The following POLN variants were observed in gnomAD, a reference collection of about 807,000 sequenced individuals.
POLN encodes DNA polymerase N.
In POLN, 108 loss-of-function variants were observed where a neutral mutation model predicts 113.5. That is an observed-to-expected ratio of 0.95 (90% confidence interval 0.81 to 1.12). The LOEUF is 1.12. POLN is among the 50% of genes most tolerant of loss of function. The pLI, the probability that POLN is intolerant of heterozygous loss-of-function variation, is 0.00. For synonymous variants in POLN, 386 were observed against 391.5 expected (o/e 0.99, Z 0.17); for missense variants, 1,097 against 1,077.1 (o/e 1.02, Z -0.26).
chr4:2,226,456 C>G (rs6829788), intron 3 of POLN, among the ~76,000 whole-genome samples: 42,897 of 152,140 alleles, frequency 0.28, 10,394 homozygotes, highest in African/African-American at 0.65. Flanking sequence ...GGTTACATTT[C>G]AGCAGGGAGA....
At chr4:2,195,159 A>T (rs925333354) in intron 6 of POLN, among the ~76,000 whole-genome samples, 50 of 152,282 alleles carry the variant, frequency 3.3e-4, no homozygotes, top group African/African-American at 1.2e-3. Context: ...ATTTAAATTT[A>T]TTTTGAATCT....
At chr4:2,207,583 G>C (rs1274527443) in intron 5 of POLN, among the ~76,000 whole-genome samples, 1 of 151,930 alleles carries the variant, frequency 6.6e-6, no homozygotes, top group Admixed American at 6.6e-5. Context: ...AATTTGAACA[G>C]ACATTTCATC....
Position 2,078,203 on chromosome 4 carries a change from C to T in POLN, c.2388-2684G>A, listed in dbSNP as rs528074354. On this transcript the variant is annotated intron_variant, in intron 23 of 25. Coordinates refer to ENST00000511885, the MANE Select transcript of POLN (RefSeq NM_181808.4). The stretch of plus-strand genomic sequence containing the variant: ...GGGAGGGACCGTCACAGCACTGACA[C>T]GTTCTGAAACCCAGGAAGGCCTTTT... Among the ~76,000 whole-genome samples, 152 of 152,334 alleles carry T rather than the reference C, an allele frequency of 1.0e-3. 2 individuals carry two copies. The highest frequency in any genetic ancestry group is 3.4e-3 in the Middle Eastern group (1 of 294).
intron 4 of POLN, among the ~76,000 whole-genome samples, chr4:2,209,458 G>A (rs1336520621): frequency 1.4e-5 from 2 of 140,792 alleles, no homozygotes; most frequent in South Asian, 2.2e-4. Context: ...CAGCTTGGGC[G>A]ACAGAGCAAG....
At chr4:2,223,569 G>A (rs917991860) in intron 3 of POLN, among the ~76,000 whole-genome samples, 1 of 152,182 alleles carries the variant, frequency 6.6e-6, no homozygotes, top group African/African-American at 2.4e-5. Flanking sequence ...CCAAAAGGTT[G>A]GGGACTGCTG....
At chr4:2,079,536 GGAAT>G in intron 23 of POLN, 1 of 985,684 alleles carries the variant, frequency 1.0e-6, no homozygotes, top group South Asian at 4.7e-5. Flanking sequence ...GTGTGTGTTG[GGAAT>G]GAATGCAGAT....
chr4:2,162,086 C>T (rs906724200), intron 13 of POLN, among the ~76,000 whole-genome samples: 10 of 152,260 alleles, frequency 6.6e-5, no homozygotes, highest in African/African-American at 2.4e-4. Context: ...AAGCAGGCTG[C>T]CCGAGCCAGC....
intron 23 of POLN, chr4:2,078,865 A>G: frequency 1.0e-6 from 1 of 985,474 alleles, no homozygotes; most frequent in Non-Finnish European, 1.2e-6. Context: ...AGTCAGCAAC[A>G]GAGAGAGACC....
At chr4:2,092,059 C>T (rs956121700) in intron 20 of POLN, among the ~76,000 whole-genome samples, 14 of 152,204 alleles carry the variant, frequency 9.2e-5, no homozygotes, top group Non-Finnish European at 1.9e-4. Flanking sequence ...CCTGGACTCT[C>T]CCAACTCTCC....
chr4:2,154,739 T>C (rs984593485), intron 16 of POLN, among the ~76,000 whole-genome samples: 2 of 152,212 alleles, frequency 1.3e-5, no homozygotes, highest in African/African-American at 2.4e-5. Context: ...ATTGCTATGA[T>C]AAAGTACAGG....
At chr4:2,135,716 A>G (rs1731839042) in intron 16 of POLN, among the ~76,000 whole-genome samples, 1 of 152,234 alleles carries the variant, frequency 6.6e-6, no homozygotes, top group African/African-American at 2.4e-5. Context: ...ATGTGGGAGA[A>G]GCCTGTGGGG....
chr4:2,241,988 G>A (rs1051277341), intron 1 of POLN, 63 bp downstream of exon 1: 39 of 985,438 alleles, frequency 4.0e-5, no homozygotes, highest in East Asian at 1.1e-4. Context: ...GTGCAGACGG[G>A]GATCGCGGCC....
intron 19 of POLN, among the ~76,000 whole-genome samples, chr4:2,115,883 T>C (rs1193149354): frequency 1.3e-5 from 2 of 152,202 alleles, no homozygotes. Context: ...GTCTAAGAAC[T>C]GCACAATTTC....
intron 23 of POLN, chr4:2,080,356 G>A (rs1472656582): frequency 4.3e-6 from 4 of 935,896 alleles, no homozygotes; most frequent in East Asian, 1.4e-4. Flanking sequence ...CTGGGGGGCA[G>A]CCAGGGCGGA....
chr4:2,134,533 T>C (rs747488377), intron 16 of POLN, among the ~76,000 whole-genome samples: 23 of 152,338 alleles, frequency 1.5e-4, no homozygotes, highest in Non-Finnish European at 2.8e-4. Flanking sequence ...GTTTGTTTGT[T>C]TGTTTTGCTT....
intron 20 of POLN, among the ~76,000 whole-genome samples, chr4:2,094,220 G>T (rs1458439022): frequency 1.3e-5 from 2 of 151,968 alleles, no homozygotes; most frequent in Admixed American, 1.3e-4. Context: ...GGTGGCAGGT[G>T]CCTGTCACCC....
chr4:2,139,712 C>T (rs1219151879), intron 16 of POLN: 1 of 152,136 alleles, frequency 6.6e-6, no homozygotes, highest in African/African-American at 2.4e-5. Flanking sequence ...GAACACCTTG[C>T]TAATAAATCT....
chr4:2,240,266 A>C (rs761124197), intron 2 of POLN: 23 of 1,613,700 alleles, frequency 1.4e-5, no homozygotes, highest in Non-Finnish European at 1.9e-5. Context: ...CAACTACTTC[A>C]TGTATACCCT....
At chr4:2,170,644 T>C (rs771786700) in intron 13 of POLN, 35 bp downstream of exon 13, 2 of 1,567,468 alleles carry the variant, frequency 1.3e-6, no homozygotes, top group Non-Finnish European at 1.8e-6. Context: ...CATGCTGTCA[T>C]TCTAAAAAGA....
Sources: gnomAD v4.1 joint callset for allele counts (sites outside exome capture counted in the v4.1 genomes callset) on GRCh38, gnomAD v4.1.1 for gene constraint, MANE v1.5 for transcripts, NCBI Gene and HGNC (gene_info 2026-07-23, HGNC 2026-07-21) for gene names.